ZDHHC15: variants seen among roughly 807,000 people sequenced by gnomAD.
The protein encoded by ZDHHC15 is zDHHC palmitoyltransferase 15.
A neutral mutation model predicts 31.7 loss-of-function variants in ZDHHC15; 19 were observed. The ratio of observed to expected loss-of-function variants is 0.60; its 90% confidence interval spans 0.42 to 0.88. The LOEUF is 0.88. ZDHHC15 is among the 40% of genes least tolerant of loss of function. ZDHHC15 has a pLI of 0.00. For missense variants in ZDHHC15, 209 were observed against 251.2 expected (o/e 0.83, Z 1.14); for synonymous variants, 103 against 90.0 (o/e 1.14, Z -0.82).
At chrX:75,394,022 A>C (rs1302514275) in intron 10 of ZDHHC15, among the ~76,000 whole-genome samples, 1 of 111,239 alleles carries the variant, frequency 9.0e-6, no homozygotes, top group Non-Finnish European at 1.9e-5. Context: ...CACCCAAATT[A>C]AGAATGAGTC....
intron 1 of ZDHHC15, among the ~76,000 whole-genome samples, chrX:75,517,015 T>C (rs2085368399): frequency 8.9e-6 from 1 of 111,844 alleles, no homozygotes; most frequent in Non-Finnish European, 1.9e-5. Flanking sequence ...ATCAGAGAAA[T>C]GCAAATCAAA....
intron 3 of ZDHHC15, among the ~76,000 whole-genome samples, chrX:75,452,775 C>A (rs773230087): frequency 2.1e-4 from 23 of 111,801 alleles, no homozygotes; most frequent in Non-Finnish European, 3.4e-4. Flanking sequence ...ACAACCTGCT[C>A]CTGAATGACT....
intron 1 of ZDHHC15, among the ~76,000 whole-genome samples, chrX:75,510,723 C>A (rs1343570833): frequency 5.2e-5 from 4 of 77,239 alleles, no homozygotes; most frequent in Non-Finnish European, 9.6e-5. Context: ...CTATCCCTCC[C>A]CCATCCCCCG....
intron 9 of ZDHHC15, among the ~76,000 whole-genome samples, chrX:75,420,653 A>AGGGACATG (rs1051335266): frequency 3.6e-5 from 4 of 111,284 alleles, no homozygotes; most frequent in African/African-American, 1.3e-4. Flanking sequence ...TGTCCTTTAC[A>AGGGACATG]GGGACATGGA....
intron 3 of ZDHHC15, among the ~76,000 whole-genome samples, chrX:75,461,259 T>A: frequency 8.9e-6 from 1 of 111,836 alleles, no homozygotes; most frequent in Non-Finnish European, 1.9e-5. Context: ...ATGGAATGAA[T>A]AAAATCTGAG....
intron 1 of ZDHHC15, among the ~76,000 whole-genome samples, chrX:75,506,262 G>A (rs1004499575): frequency 1.8e-5 from 2 of 111,591 alleles, no homozygotes; most frequent in Non-Finnish European, 3.8e-5. Context: ...CGTTACATAT[G>A]TATACATGTG....
At chrX:75,472,776 G>A (rs186146439) in intron 3 of ZDHHC15, among the ~76,000 whole-genome samples, 2 of 111,832 alleles carry the variant, frequency 1.8e-5, no homozygotes, top group East Asian at 2.8e-4. Flanking sequence ...CATGGGCTCA[G>A]TGATATGGAC....
At chrX:75,439,103 G>T (rs1363732698) in intron 4 of ZDHHC15, among the ~76,000 whole-genome samples, 1 of 111,169 alleles carries the variant, frequency 9.0e-6, no homozygotes, top group Non-Finnish European at 1.9e-5. Context: ...CCTTTGTCTT[G>T]ACTTTAGATA....
chrX:75,493,960 G>C, intron 2 of ZDHHC15, among the ~76,000 whole-genome samples: 1 of 111,432 alleles, frequency 9.0e-6, no homozygotes, highest in South Asian at 3.8e-4. Context: ...AGGAAATAAA[G>C]GGTATTCAAT....
chrX:75,481,505 T>C (rs2084688850), intron 2 of ZDHHC15, among the ~76,000 whole-genome samples: 1 of 112,079 alleles, frequency 8.9e-6, no homozygotes, highest in Non-Finnish European at 1.9e-5. Context: ...CAAGGTTTCA[T>C]AGAAATTATG....
In ZDHHC15 at chrX:75,429,105, G is replaced by T; in HGVS notation, c.576C>A (p.Val192=). 1 of 1,208,356 alleles carries T rather than the reference G, an allele frequency of 8.3e-7. No individual in the cohort carries two copies. The highest frequency in any genetic ancestry group is 1.1e-6 in the Non-Finnish European group (1 of 894,157). The change falls in exon 7 of 12, where the codon GTC becomes GTA. Residue 192 remains valine (V), a synonymous_variant. Transcript: ENST00000373367. The part of the protein sequence containing the change: ...VLYCLYIATT[V]FSYFIKYWRG... The stretch of plus-strand genomic sequence containing the variant: ...TCCAGTATTTGATGAAATAGCTGAA[G>T]ACTGTCGTAGCAATGTACAGGCAGT...
chrX:75,378,903 T>C (rs897190089), intron 11 of ZDHHC15, among the ~76,000 whole-genome samples: 1 of 111,419 alleles, frequency 9.0e-6, no homozygotes, highest in Non-Finnish European at 1.9e-5. Context: ...ACAAGTGACA[T>C]AAGTGTGAGT....
intron 7 of ZDHHC15, among the ~76,000 whole-genome samples, chrX:75,425,272 T>C (rs1040814252): frequency 9.0e-6 from 1 of 111,515 alleles, no homozygotes; most frequent in African/African-American, 3.2e-5. Context: ...TAAAATGTCC[T>C]ACCCATAAGT....
chrX:75,475,326 AT>A (rs35679433), intron 3 of ZDHHC15, among the ~76,000 whole-genome samples: 2 of 108,686 alleles, frequency 1.8e-5, no homozygotes, highest in African/African-American at 6.7e-5. Flanking sequence ...TCCTCTGTGG[AT>A]TTTTTTTCTA....
At chrX:75,373,516 C>T (rs2083022431) in intron 11 of ZDHHC15, among the ~76,000 whole-genome samples, 1 of 111,179 alleles carries the variant, frequency 9.0e-6, no homozygotes, top group African/African-American at 3.3e-5. Context: ...TGGCCTTATC[C>T]ATTGACCCTT....
At chrX:75,480,475 T>G (rs1411519697) in intron 2 of ZDHHC15, among the ~76,000 whole-genome samples, 1 of 111,508 alleles carries the variant, frequency 9.0e-6, no homozygotes, top group Non-Finnish European at 1.9e-5. Context: ...AATATATTTA[T>G]AAGTTTTAAA....
At chrX:75,407,529 C>T (rs754560769) in intron 10 of ZDHHC15, among the ~76,000 whole-genome samples, 7 of 65,616 alleles carry the variant, frequency 1.1e-4, no homozygotes, top group Non-Finnish European at 1.6e-4. Flanking sequence ...CCCGGCCAGC[C>T]GCCCCGTCCG....
chrX:75,517,780 C>A (rs1312179172), intron 1 of ZDHHC15, among the ~76,000 whole-genome samples: 2 of 109,475 alleles, frequency 1.8e-5, no homozygotes, highest in Non-Finnish European at 1.9e-5. Context: ...TATCTTATGC[C>A]AGATATAAAA....
intron 10 of ZDHHC15, chrX:75,384,347 T>C: frequency 1.1e-6 from 1 of 909,727 alleles, no homozygotes; most frequent in South Asian, 2.0e-5. Flanking sequence ...TTCGCCAAAA[T>C]GACGAACACA....
Sources: gnomAD v4.1 joint callset for allele counts (sites outside exome capture counted in the v4.1 genomes callset) on GRCh38, gnomAD v4.1.1 for gene constraint, MANE v1.5 for transcripts, NCBI Gene and HGNC (gene_info 2026-07-23, HGNC 2026-07-21) for gene names.